UTRN: variants seen among roughly 807,000 people sequenced by gnomAD.
The protein encoded by UTRN is utrophin.
In UTRN, 283 loss-of-function variants were observed where a neutral mutation model predicts 463.9. The observed-to-expected ratio is 0.61, with a 90% CI of 0.55 to 0.67. UTRN has a LOEUF of 0.67. Ranked by LOEUF, UTRN falls within the 30% of genes least tolerant of loss-of-function variation. The probability of loss-of-function intolerance (pLI) is 0.00; values close to 1 mark genes in which losing one functional copy is unlikely to be tolerated. For synonymous variants in UTRN, 1,442 were observed against 1,431.5 expected, an observed-to-expected ratio of 1.01 and a Z score of -0.17; for missense variants, 3,922 against 4,084.3, an observed-to-expected ratio of 0.96 and a Z score of 1.08.
At chr6:144,523,267 T>C (rs1306816300) in intron 41 of UTRN, 79 bp downstream of exon 41, 3 of 1,084,954 alleles carry the variant, frequency 2.8e-6, no homozygotes, top group Admixed American at 3.2e-5. Flanking sequence ...ATGTGGACAC[T>C]GAGATTAATG....
In UTRN at chr6:144,360,433, A is replaced by G. The variant is rs935492496; in HGVS notation, c.80-42690A>G. Among the ~76,000 whole-genome samples the G allele has an allele frequency of 1.3e-4, 20 of 152,068 alleles. 1 individual carries two copies. Among genetic ancestry groups the G allele is most frequent in the African/African-American group, 4.8e-4 (20 of 41,404 alleles). On this transcript the variant is annotated intron_variant, in intron 2 of 74. Coordinates refer to ENST00000367545, the MANE Select transcript of UTRN (RefSeq NM_007124.3). Reference sequence around the variant, plus strand: ...AGTGATCCATCCACCTTAGCCTCTCAAGGTGCTGGGATTACAGGCTTGAGC... The same window carrying G: ...AGTGATCCATCCACCTTAGCCTCTCGAGGTGCTGGGATTACAGGCTTGAGC...
intron 39 of UTRN, among the ~76,000 whole-genome samples, chr6:144,519,865 C>T (rs1317892971): frequency 6.6e-6 from 1 of 152,192 alleles, no homozygotes; most frequent in Admixed American, 6.5e-5. Context: ...GAATGACAAT[C>T]CGTTATGTAA....
rs1795470475 is a variant in UTRN at position 144,514,785 on chromosome 6, T to C, written c.5209T>C (p.Phe1737Leu). The C allele has an allele frequency of 6.2e-7, 1 of 1,613,748 alleles. No homozygotes were observed. The highest frequency in any genetic ancestry group is 8.5e-7 in the Non-Finnish European group (1 of 1,179,940). ...AAAGTTAGCTGAGCTGAATAGGAAC[T>C]TTGAAAAGGTGTCTCAACATATCAA... Reference protein sequence around the residue: ...EPKLAELNRNFEKVSQHIKSA... With the variant: ...EPKLAELNRNLEKVSQHIKSA... Residue 1737 changes from phenylalanine to leucine, a missense_variant, in exon 37 of 75, where the codon TTT (phenylalanine) becomes CTT (leucine). This residue lies in a region of UTRN where 2,349 missense variants were observed against 2,303.8 expected (regional missense o/e 1.02). Transcript: ENST00000367545.
At chr6:144,810,457 G>C (rs766563448) in intron 65 of UTRN, among the ~76,000 whole-genome samples, 14 of 152,082 alleles carry the variant, frequency 9.2e-5, no homozygotes, top group Non-Finnish European at 1.3e-4. Flanking sequence ...CAAAATGTAA[G>C]GTAATGTGTA....
At chr6:144,632,824 C>T (rs1353685688) in intron 51 of UTRN, among the ~76,000 whole-genome samples, 3 of 151,638 alleles carry the variant, frequency 2.0e-5, no homozygotes, top group Non-Finnish European at 2.9e-5. Context: ...CGGGTTCAAG[C>T]GATTCTCCTG....
At chr6:144,826,269 G>A (rs74557596) in intron 66 of UTRN, among the ~76,000 whole-genome samples, 1 of 151,914 alleles carries the variant, frequency 6.6e-6, no homozygotes, top group African/African-American at 2.4e-5. Flanking sequence ...TGCTGTGCAG[G>A]CATCAACCTG....
intron 25 of UTRN, among the ~76,000 whole-genome samples, chr6:144,478,890 C>G (rs1584949660): frequency 6.6e-6 from 1 of 152,166 alleles, no homozygotes; most frequent in Non-Finnish European, 1.5e-5. Context: ...AAATTTTTAA[C>G]TAAGTTACTG....
rs1181096039 is a variant in UTRN, at chr6:144,839,281, G to T, written c.10174G>T (p.Ala3392Ser). The T allele has an allele frequency of 1.9e-6, 3 of 1,612,928 alleles. No individual in the cohort carries two copies. The highest frequency in any genetic ancestry group is 2.2e-5 in the South Asian group (2 of 91,050). Residue 3392 changes from alanine (A) to serine (S), a missense_variant, in exon 72 of 75, where the codon GCA (alanine) becomes TCA (serine). Physicochemically the swap from Ala to Ser is moderately conservative, Grantham distance 99. Transcript: ENST00000367545. ...TGCCTCCGGCCCACAGTTCCACCAG[G>T]CAGGTCGGTGTCCCCAGCACACAGC... ...PDASGPQFHQAAGEDLLAPPH... is the reference protein window; with the variant it reads ...PDASGPQFHQSAGEDLLAPPH...
chr6:144,368,575 C>G lies in UTRN; in HGVS notation c.80-34548C>G, dbSNP rs118030542. Among the ~76,000 whole-genome samples, 975 of 152,052 alleles carry G rather than the reference C, an allele frequency of 6.4e-3. 38 individuals carry two copies. The East Asian group carries it at 0.11, about 17-fold the overall frequency. On this transcript the variant is annotated intron_variant, in intron 2 of 74. Transcript: ENST00000367545. ...TTGCCTGAGATCAGGAGTTTTAGAT[C>G]AGCCTGACCAACATGATGAAACCCC...
chr6:144,331,949 C>A (rs1340035047), intron 2 of UTRN, among the ~76,000 whole-genome samples: 1 of 152,202 alleles, frequency 6.6e-6, no homozygotes, highest in East Asian at 1.9e-4. Flanking sequence ...ATGTATAATG[C>A]ACCTCCTTGC....
At chr6:144,535,411 T>C (rs1183873992) in intron 43 of UTRN, among the ~76,000 whole-genome samples, 1 of 152,178 alleles carries the variant, frequency 6.6e-6, no homozygotes, top group Non-Finnish European at 1.5e-5. Flanking sequence ...GAAAAACATG[T>C]ACCTGCTGGG....
intron 2 of UTRN, among the ~76,000 whole-genome samples, chr6:144,329,194 T>C (rs568201318): frequency 5.6e-4 from 85 of 151,502 alleles, no homozygotes; most frequent in Middle Eastern, 3.4e-3. Flanking sequence ...GCGATTCTCC[T>C]GCCTCAGACT....
chr6:144,828,718 T>C (rs1037403977), intron 68 of UTRN, 72 bp from the exon 69 acceptor site: 2 of 1,407,976 alleles, frequency 1.4e-6, no homozygotes, highest in Non-Finnish European at 2.0e-6. Context: ...TTAAAAATGA[T>C]TAAGGATGTA....
chr6:144,306,474 A>G (rs1239253245), intron 2 of UTRN, among the ~76,000 whole-genome samples: 1 of 152,002 alleles, frequency 6.6e-6, no homozygotes, highest in Admixed American at 6.6e-5. Context: ...TCTTCAGATG[A>G]TGGGTGGTGG....
chr6:144,334,690 C>T (rs1776593303), intron 2 of UTRN, among the ~76,000 whole-genome samples: 1 of 152,152 alleles, frequency 6.6e-6, no homozygotes, highest in South Asian at 2.1e-4. Context: ...CTTTCATAAA[C>T]ATAACTTTGA....
Position 144,851,062 on chromosome 6 carries a change from T to C in UTRN, c.*65T>C. 6.2e-7 allele frequency: 1 copy of C among 1,607,760 alleles called. No individual in the cohort carries two copies. ...GTTGCCCTTTTCAGCAAATGCCAAT[T>C]CCAAGTTCCATTAAATCAGAAGCTC... is the stretch of plus-strand genomic sequence containing the variant. On this transcript the variant is annotated 3_prime_UTR_variant, in exon 75 of 75. Transcript: ENST00000367545.
intron 61 of UTRN, among the ~76,000 whole-genome samples, chr6:144,783,059 C>T (rs1450801865): frequency 6.6e-6 from 1 of 151,758 alleles, no homozygotes; most frequent in Non-Finnish European, 1.5e-5. Flanking sequence ...AGCCAGGCAT[C>T]GTGGCAGGTG....
At chr6:144,558,797 A>T (rs1470220392) in intron 50 of UTRN, among the ~76,000 whole-genome samples, 2 of 152,120 alleles carry the variant, frequency 1.3e-5, no homozygotes, top group Non-Finnish European at 2.9e-5. Context: ...TTGTTTTCTG[A>T]GGCCTGCTTC....
chr6:144,652,678 C>T (rs1201149028), intron 51 of UTRN, among the ~76,000 whole-genome samples: 7 of 152,144 alleles, frequency 4.6e-5, no homozygotes, highest in Non-Finnish European at 7.3e-5. Flanking sequence ...GAGAATAGCT[C>T]GAGTTATATA....
Sources: allele counts gnomAD v4.1 joint callset (sites outside exome capture counted in the v4.1 genomes callset), GRCh38; gene constraint gnomAD v4.1.1; regional missense constraint gnomAD v4.1.1; transcripts MANE v1.5; gene names NCBI Gene and HGNC (gene_info 2026-07-23, HGNC 2026-07-21).